LRSAM1: variants seen among roughly 807,000 people sequenced by gnomAD.
LRSAM1 encodes the protein leucine rich repeat and sterile alpha motif containing 1.
LRSAM1 carries 96 observed loss-of-function variants against 118.1 expected under a neutral mutation model. That is an observed-to-expected ratio of 0.81 (90% confidence interval 0.69 to 0.96). The LOEUF (loss-of-function observed/expected upper bound fraction) is 0.96. LRSAM1 is among the 40% of genes least tolerant of loss of function. The probability of loss-of-function intolerance (pLI) is 0.00; values close to 1 mark genes in which losing one functional copy is unlikely to be tolerated. For missense variants in LRSAM1, 804 were observed against 915.5 expected (o/e 0.88, Z 1.57); for synonymous variants, 322 against 364.2 (o/e 0.88, Z 1.32).
At chr9:127,461,945 C>A (rs1834763615) in intron 8 of LRSAM1, among the ~76,000 whole-genome samples, 1 of 152,216 alleles carries the variant, frequency 6.6e-6, no homozygotes, top group Non-Finnish European at 1.5e-5. Context: ...GTGCGGAGGA[C>A]CTCACACATC....
chr9:127,481,241 C>T lies in LRSAM1; in HGVS notation c.1088+14C>T. On this transcript the variant is annotated intron_variant, in intron 15 of 25. Coordinates refer to ENST00000300417, the MANE Select transcript of LRSAM1 (RefSeq NM_001005373.4). ...GGAAAATGAAAGGTAAGTGTTCTTC[C>T]AGGGGAGGGCAGCATTTTTTTTTTT... 1.2e-6 allele frequency: 2 copies of T among 1,607,600 alleles called. No homozygotes were observed. Among genetic ancestry groups the T allele is most frequent in the Non-Finnish European group, 1.7e-6 (2 of 1,178,566 alleles).
intron 7 of LRSAM1, among the ~76,000 whole-genome samples, chr9:127,460,968 G>T (rs923767981): frequency 4.2e-5 from 6 of 141,364 alleles, no homozygotes; most frequent in Admixed American, 3.1e-4. Flanking sequence ...CAATTCTCCT[G>T]CCTCAGCCTC....
At chr9:127,499,067 A>AAAT (rs1236819544) in intron 24 of LRSAM1, among the ~76,000 whole-genome samples, 1 of 147,794 alleles carries the variant, frequency 6.8e-6, no homozygotes, top group Non-Finnish European at 1.5e-5. Flanking sequence ...AAAAAAAAAA[A>AAAT]GAAAAAGAAA....
intron 6 of LRSAM1, 128 bp downstream of exon 6, chr9:127,457,521 G>A (rs1834564909): frequency 1.2e-6 from 1 of 865,988 alleles, no homozygotes; most frequent in African/African-American, 1.7e-5. Flanking sequence ...TCTGGGATTT[G>A]ATCAGTATGG....
intron 12 of LRSAM1, 149 bp from the exon 13 acceptor site, chr9:127,479,234 T>TA: frequency 8.4e-7 from 1 of 1,192,400 alleles, no homozygotes; most frequent in Non-Finnish European, 1.2e-6. Flanking sequence ...CTTGTTTTCT[T>TA]ACAGTTGGGC....
intron 7 of LRSAM1, among the ~76,000 whole-genome samples, chr9:127,460,324 G>A (rs1834687366): frequency 6.6e-6 from 1 of 152,168 alleles, no homozygotes; most frequent in South Asian, 2.1e-4. Context: ...TTAATGGTTA[G>A]TGTGTCATCC....
chr9:127,456,977 A>G (rs1564250528), intron 5 of LRSAM1, among the ~76,000 whole-genome samples: 1 of 152,104 alleles, frequency 6.6e-6, no homozygotes, highest in African/African-American at 2.4e-5. Flanking sequence ...ACATCATGGC[A>G]GCCCTGGGAG....
At chr9:127,478,894 C>T in intron 11 of LRSAM1, 40 bp from the exon 12 acceptor site, 1 of 1,611,900 alleles carries the variant, frequency 6.2e-7, no homozygotes, top group Non-Finnish European at 8.5e-7. Context: ...AGAACCACTG[C>T]TGCCACCCTC....
intron 10 of LRSAM1, among the ~76,000 whole-genome samples, chr9:127,469,541 TAGTC>T (rs1272811822): frequency 6.6e-6 from 1 of 151,318 alleles, no homozygotes; most frequent in Non-Finnish European, 1.5e-5. Context: ...AACATCATCT[TAGTC>T]AATGGGAAAA....
chr9:127,455,734 T>G, intron 5 of LRSAM1, 114 bp downstream of exon 5: 1 of 991,606 alleles, frequency 1.0e-6, no homozygotes, highest in Non-Finnish European at 1.6e-6. Context: ...TCTCTCTGCT[T>G]CTTATGCTCT....
At chr9:127,490,056 C>G (rs1260918122) in intron 19 of LRSAM1, among the ~76,000 whole-genome samples, 1 of 150,068 alleles carries the variant, frequency 6.7e-6, no homozygotes. Flanking sequence ...GACAAGATAC[C>G]CCCCACCCCC....
intron 2 of LRSAM1, among the ~76,000 whole-genome samples, chr9:127,454,253 C>G (rs1834432725): frequency 6.6e-6 from 1 of 151,730 alleles, no homozygotes; most frequent in Non-Finnish European, 1.5e-5. Context: ...CCCCGTGGAA[C>G]TCACTAAAAA....
intron 21 of LRSAM1, among the ~76,000 whole-genome samples, chr9:127,494,758 A>G (rs1018657392): frequency 2.0e-5 from 3 of 152,152 alleles, no homozygotes; most frequent in Non-Finnish European, 2.9e-5. Flanking sequence ...AGCCTGGCCA[A>G]CGTGGTGAAA....
chr9:127,480,050 G>A, intron 14 of LRSAM1, 72 bp downstream of exon 14: 2 of 1,601,744 alleles, frequency 1.2e-6, no homozygotes, highest in South Asian at 2.2e-5. Flanking sequence ...CGGGAGGAGT[G>A]TGTTTCTCCC....
At chr9:127,471,418 C>T (rs991185195) in intron 10 of LRSAM1, among the ~76,000 whole-genome samples, 1 of 142,534 alleles carries the variant, frequency 7.0e-6, no homozygotes, top group African/African-American at 2.6e-5. Context: ...TTGCAGTGAG[C>T]CAAGATTGTG....
rs1441738684 is a variant in LRSAM1 at position 127,479,964 on chromosome 9, G to A, written c.1029G>A (p.Leu343=). ...QNISSRIQKL[L]QDNQRQKKSS... Reference sequence around the variant, plus strand: ...TTTCCAGCCGGATCCAGAAGCTGCTGCAGGACAATCAGAGGTTGGGCTCTG... The same window carrying A: ...TTTCCAGCCGGATCCAGAAGCTGCTACAGGACAATCAGAGGTTGGGCTCTG... Residue 343 remains leucine, a synonymous_variant, in exon 14 of 26, where the codon CTG becomes CTA. Coordinates refer to ENST00000300417, the MANE Select transcript of LRSAM1 (RefSeq NM_001005373.4). 1.2e-6 allele frequency: 2 copies of A among 1,614,200 alleles called. No homozygotes were observed. The highest frequency in any genetic ancestry group is 1.6e-4 in the Middle Eastern group (1 of 6,062).
At chr9:127,481,327 A>G (rs1835530769) in intron 15 of LRSAM1, 100 bp downstream of exon 15, 1 of 1,329,932 alleles carries the variant, frequency 7.5e-7, no homozygotes, top group South Asian at 1.2e-5. Flanking sequence ...ATCTCGGCTC[A>G]GTGCAACCCC....
At position 127,462,324 on chromosome 9, in the gene LRSAM1, A is replaced by C; in HGVS notation, c.479A>C (p.Asn160Thr). The change falls in exon 9 of 26, where the codon AAC (asparagine) becomes ACC (threonine). Residue 160 changes from asparagine to threonine, a missense_variant. Coordinates refer to ENST00000300417, the MANE Select transcript of LRSAM1 (RefSeq NM_001005373.4). ...CTGCGTACCCTCAACATCAGTGGAAACGAGATCCAGAGATTGCCGCAGATG... is the reference window on the plus strand; with the variant it reads ...CTGCGTACCCTCAACATCAGTGGAACCGAGATCCAGAGATTGCCGCAGATG... ...RSLRTLNISG[N>T]EIQRLPQMLA... is the part of the protein sequence containing the mutation. 6.2e-7 allele frequency: 1 copy of C among 1,614,042 alleles called. No homozygotes were observed. The highest frequency in any genetic ancestry group is 1.7e-5 in the Admixed American group (1 of 59,996).
At chr9:127,494,369 G>A (rs1021675695) in intron 21 of LRSAM1, among the ~76,000 whole-genome samples, 1 of 152,248 alleles carries the variant, frequency 6.6e-6, no homozygotes, top group Non-Finnish European at 1.5e-5. Flanking sequence ...ACGGGCTCTG[G>A]AGCAAGACAG....
Sources: allele counts gnomAD v4.1 joint callset (sites outside exome capture counted in the v4.1 genomes callset), GRCh38; gene constraint gnomAD v4.1.1; transcripts MANE v1.5; gene names NCBI Gene and HGNC (gene_info 2026-07-23, HGNC 2026-07-21).